The following LDHA variants were observed in gnomAD, a reference collection of about 807,000 sequenced individuals.
LDHA encodes L-lactate dehydrogenase A chain.
Under a neutral mutation model 36.3 loss-of-function variants are expected in LDHA, and 10 were observed. The observed-to-expected ratio is 0.28, with a 90% confidence interval of 0.17 to 0.47. The LOEUF is 0.47. Among genes scored for constraint, LDHA ranks in the 20% least tolerant of loss-of-function variants. LDHA has a pLI of 0.99. For missense variants in LDHA, 267 were observed against 405.8 expected (o/e 0.66, Z 2.94); for synonymous variants, 110 against 136.7 (o/e 0.80, Z 1.36).
At chr11:18,400,551 G>A (rs1866449807) in intron 3 of LDHA, 4 of 401,622 alleles carry the variant, frequency 1.0e-5, no homozygotes, top group South Asian at 5.8e-5. Context: ...GAGTGTGAAC[G>A]TTGAGCTTGG....
intron 3 of LDHA, chr11:18,400,414 C>A (rs1866437944): frequency 3.0e-5 from 8 of 268,560 alleles, no homozygotes; most frequent in South Asian, 9.8e-5. Flanking sequence ...AAAACAAGTC[C>A]CCCTACCACC....
At chr11:18,399,323 ATAAAG>A (rs1371222780) in intron 2 of LDHA, 103 bp from the exon 3 acceptor site, 1 of 809,864 alleles carries the variant, frequency 1.2e-6, no homozygotes, top group African/African-American at 1.7e-5. Flanking sequence ...TACTGTACTA[ATAAAG>A]TAACAGAACT....
chr11:18,408,175 T>C lies in LDHA; in HGVS notation c.*894T>C, dbSNP rs1221995151. 1 of 453,992 alleles carries C rather than the reference T, an allele frequency of 2.2e-6. No individual in the cohort carries two copies. Among genetic ancestry groups the C allele is most frequent in the East Asian group, 6.9e-5 (1 of 14,406 alleles). The allele number at this position is 453,992 out of a possible 1,614,324, so 28.1% of individuals were successfully genotyped here. A position where few individuals can be genotyped will look rare whatever the true frequency, so the allele number is the denominator to read the frequency against. The stretch of plus-strand genomic sequence containing the variant: ...GGGAACACAGATTTTTGAGATCTTG[T>C]CCTCTGGAAGCTGGTAACAATTAAA... On this transcript the variant is annotated 3_prime_UTR_variant, in exon 8 of 8. Coordinates refer to ENST00000422447, the MANE Select transcript of LDHA (RefSeq NM_005566.4).
In LDHA at chr11:18,401,495, T is replaced by TTA. The variant is rs398015444; in HGVS notation, c.418+485_418+486insTA. On this transcript the variant is annotated intron_variant, in intron 4 of 7. Transcript: ENST00000422447. ...TTTCTTTTTTTTTTTTTTTTTTTTT[T>TTA]GAGACGGAGTCTTGCTCTGTCACCC... is the stretch of plus-strand genomic sequence containing the variant. Among the ~76,000 whole-genome samples the TTA allele has an allele frequency of 1.6e-3, 217 of 136,200 alleles. 2 individuals carry two copies. The highest frequency in any genetic ancestry group is 5.8e-3 in the African/African-American group (207 of 35,558). 89.4% of individuals were successfully genotyped at this position (136,200 alleles called of 152,430 possible). A position where few individuals can be genotyped will look rare whatever the true frequency, so the allele number is the denominator to read the frequency against.
At chr11:18,405,596 G>C (rs746810321) in intron 7 of LDHA, 24 bp downstream of exon 7, 2 of 1,611,618 alleles carry the variant, frequency 1.2e-6, no homozygotes, top group South Asian at 1.1e-5. Flanking sequence ...GTGATACGCT[G>C]CATTTGAATG....
In LDHA at chr11:18,407,226, G is replaced by A. The variant is rs140090654; in HGVS notation, c.944G>A (p.Arg315His). Reference protein sequence around the residue: ...KVTLTSEEEARLKKSADTLWG... With the variant: ...KVTLTSEEEAHLKKSADTLWG... ...ACTCTGACTTCTGAGGAAGAGGCCC[G>A]TTTGAAGAAGAGTGCAGATACACTT... Residue 315 changes from arginine to histidine, a missense_variant, in exon 8 of 8, where the codon CGT becomes CAT. Coordinates refer to ENST00000422447, the MANE Select transcript of LDHA (RefSeq NM_005566.4). The A allele has an allele frequency of 2.2e-5, 36 of 1,613,906 alleles. No individual in the cohort carries two copies. Among genetic ancestry groups the A allele is most frequent in the Middle Eastern group, 3.3e-4 (2 of 6,054 alleles).
chr11:18,408,332 A>C lies in LDHA; in HGVS notation c.*1051A>C, dbSNP rs572530918. 5.8e-5 allele frequency: 22 copies of C among 381,094 alleles called. No homozygotes were observed. Among genetic ancestry groups the C allele is most frequent in the South Asian group, 4.2e-4 (22 of 52,436 alleles). The allele number at this position is 381,094 out of a possible 1,614,324, so 23.6% of individuals were successfully genotyped here. A position where few individuals can be genotyped will look rare whatever the true frequency, so the allele number is the denominator to read the frequency against. On this transcript the variant is annotated 3_prime_UTR_variant, in exon 8 of 8. Transcript: ENST00000422447. ...AACACAACAAAACCCCATCTGTTAA[A>C]AAAACAAAACAAAACCAAAAAAAAC...
intron 3 of LDHA, 90 bp downstream of exon 3, chr11:18,399,638 G>T: frequency 1.0e-6 from 1 of 974,278 alleles, no homozygotes; most frequent in Non-Finnish European, 1.7e-6. Context: ...GTAGAGTGCA[G>T]TTGCACAATT....
intron 2 of LDHA, 26 bp from the exon 3 acceptor site, chr11:18,399,405 T>A (rs1052006108): frequency 2.0e-6 from 3 of 1,522,122 alleles, no homozygotes. Context: ...AATTTTCCAT[T>A]TAACTAAAGA....
chr11:18,407,775 CTACA>C lies in LDHA; in HGVS notation c.*499_*502del, dbSNP rs1866751797. The C allele has an allele frequency of 2.2e-6, 1 of 457,576 alleles. No individual in the cohort carries two copies. Among genetic ancestry groups the C allele is most frequent in the Non-Finnish European group, 4.4e-6 (1 of 229,268 alleles). 28.3% of individuals were successfully genotyped at this position (457,576 alleles called of 1,614,324 possible). On this transcript the variant is annotated 3_prime_UTR_variant, in exon 8 of 8. Coordinates refer to ENST00000422447, the MANE Select transcript of LDHA (RefSeq NM_005566.4). ...ACATTACCATATAATGTAAAAAGAT[CTACA>C]TACAAACAATGCAACCAACTATCCA... is the stretch of plus-strand genomic sequence containing the variant.
intron 1 of LDHA, 143 bp downstream of exon 1, chr11:18,394,779 A>AGACGTCT (rs1383732046): frequency 2.5e-6 from 1 of 404,144 alleles, no homozygotes; most frequent in African/African-American, 2.1e-5. Context: ...CACAGCCCAG[A>AGACGTCT]GACGTCTGGG....
rs1321119973 is a variant in LDHA at position 18,405,582 on chromosome 11, T to C, written c.834+10T>C. ...TTCCACCATGATTAAGGTAGGTCTA[T>C]GTAGTGATACGCTGCATTTGAATGC... On this transcript the variant is annotated intron_variant, in intron 7 of 7. Coordinates refer to ENST00000422447, the MANE Select transcript of LDHA (RefSeq NM_005566.4). The C allele has an allele frequency of 1.2e-6, 2 of 1,613,594 alleles. No individual in the cohort carries two copies. The highest frequency in any genetic ancestry group is 1.7e-6 in the Non-Finnish European group (2 of 1,179,656).
In LDHA at chr11:18,399,563, GT is replaced by G. The variant is rs1291369342; in HGVS notation, c.244+18del. On this transcript the variant is annotated intron_variant, in intron 3 of 7. Coordinates refer to ENST00000422447, the MANE Select transcript of LDHA (RefSeq NM_005566.4). Reference sequence around the variant, plus strand: ...CTCTGGCAAAGGTTGATTTCAACAAGTTTATATTATAATCCATGCTTGACTT... The same window carrying G: ...CTCTGGCAAAGGTTGATTTCAACAAGTTATATTATAATCCATGCTTGACTT... 1 of 1,505,326 alleles carries G rather than the reference GT, an allele frequency of 6.6e-7. No individual in the cohort carries two copies. Among genetic ancestry groups the G allele is most frequent in the Non-Finnish European group, 9.3e-7 (1 of 1,080,804 alleles). The allele number at this position is 1,505,326 out of a possible 1,614,324, so 93.2% of individuals were successfully genotyped here.
chr11:18,395,656 T>G (rs1385825965), intron 1 of LDHA, among the ~76,000 whole-genome samples: 1 of 152,200 alleles, frequency 6.6e-6, no homozygotes, highest in Non-Finnish European at 1.5e-5. Flanking sequence ...TCTCGGATTT[T>G]TGCCCTTTGG....
intron 1 of LDHA, among the ~76,000 whole-genome samples, chr11:18,395,876 G>A (rs1342867115): frequency 6.6e-6 from 1 of 152,224 alleles, no homozygotes; most frequent in Non-Finnish European, 1.5e-5. Flanking sequence ...GGCCTGACAG[G>A]CCTTTGCAAC....
Position 18,407,273 on chromosome 11 carries a change from C to T in LDHA, c.991C>T (p.Gln331Ter), listed in dbSNP as rs763264028. The change falls in exon 8 of 8, where the codon CAA becomes TAA. Residue 331 changes from glutamine to a stop codon, truncating the protein, a stop_gained. Transcript: ENST00000422447. LOFTEE classifies it high-confidence loss of function. ...DTLWGIQKEL[Q>*]F ...ACTTTGGGGGATCCAAAAGGAGCTG[C>T]AATTTTAAAGTCTTCTGATGTCATA... The T allele has an allele frequency of 6.2e-7, 1 of 1,613,514 alleles. No individual in the cohort carries two copies. The highest frequency in any genetic ancestry group is 8.5e-7 in the Non-Finnish European group (1 of 1,179,814).
intron 6 of LDHA, among the ~76,000 whole-genome samples, chr11:18,404,737 G>GTTGGAGCTT (rs1429637195): frequency 6.7e-6 from 1 of 150,326 alleles, no homozygotes; most frequent in Non-Finnish European, 1.5e-5. Context: ...GAACCCGGTA[G>GTTGGAGCTT]TTGGAGCTTG....
intron 2 of LDHA, 92 bp from the exon 3 acceptor site, chr11:18,399,339 C>A (rs1866401522): frequency 2.2e-6 from 2 of 897,730 alleles, no homozygotes; most frequent in South Asian, 1.3e-5. Flanking sequence ...TAACAGAACT[C>A]TCCTATGCCA....
chr11:18,403,077 A>G, intron 5 of LDHA, 64 bp downstream of exon 5: 1 of 1,337,560 alleles, frequency 7.5e-7, no homozygotes, highest in South Asian at 1.2e-5. Flanking sequence ...TGGGCATTAT[A>G]TTATTCAATT....
Sources: gnomAD v4.1 joint callset for allele counts (sites outside exome capture counted in the v4.1 genomes callset) on GRCh38, gnomAD v4.1.1 for gene constraint, MANE v1.5 for transcripts, NCBI Gene and HGNC (gene_info 2026-07-23, HGNC 2026-07-21) for gene names.